TAF1: variants seen among roughly 807,000 people sequenced by gnomAD.
TAF1 encodes the protein TATA-box binding protein associated factor 1.
TAF1 carries 2 observed loss-of-function variants against 138.5 expected under a neutral mutation model. The observed-to-expected ratio is 0.01, with a 90% confidence interval of 0.01 to 0.05. The LOEUF (loss-of-function observed/expected upper bound fraction) is 0.05. Ranked by LOEUF, TAF1 falls within the 10% of genes least tolerant of loss-of-function variation. The pLI, the probability that TAF1 is intolerant of heterozygous loss-of-function variation, is 1.00. For synonymous variants in TAF1, 437 were observed against 503.2 expected, an observed-to-expected ratio of 0.87 and a Z score of 1.76; for missense variants, 709 against 1,478.0, an observed-to-expected ratio of 0.48 and a Z score of 8.53.
At chrX:71,438,150 T>C (rs2037238878) in intron 32 of TAF1, among the ~76,000 whole-genome samples, 1 of 111,216 alleles carries the variant, frequency 9.0e-6, no homozygotes, top group Admixed American at 9.6e-5. Flanking sequence ...ATTTTAACTA[T>C]TTTTAAGTGT....
At chrX:71,417,772 G>A (rs1443370931) in intron 28 of TAF1, among the ~76,000 whole-genome samples, 3 of 111,588 alleles carry the variant, frequency 2.7e-5, no homozygotes, top group African/African-American at 9.8e-5. Flanking sequence ...TTATTGGGAT[G>A]TAACCCTATC....
At chrX:71,509,962 G>A (rs1021379426) in intron 13 of TAF1, among the ~76,000 whole-genome samples, 9 of 104,047 alleles carry the variant, frequency 8.6e-5, no homozygotes, top group Non-Finnish European at 1.2e-4. Flanking sequence ...CTGGGTGACA[G>A]AGTGAGACTC....
Position 71,459,695 on chromosome X carries a change from C to T in TAF1, c.5208C>T (p.Asp1736=). The change falls in exon 36 of 38, where the codon GAC becomes GAT. Residue 1736 remains aspartate, a synonymous_variant. Transcript: ENST00000423759. ...EEDAGSDEEG[D]NPFSAIQLSE... ...ATGCTGGGAGTGATGAAGAAGGAGA[C>T]AATCCTTTCTCTGGTAGGCCTCAAC... 1 of 1,210,777 alleles carries T rather than the reference C, an allele frequency of 8.3e-7. No homozygotes were observed. Among genetic ancestry groups the T allele is most frequent in the African/African-American group, 1.7e-5 (1 of 57,750 alleles).
At chrX:71,516,485 G>T (rs1424991089) in intron 13 of TAF1, among the ~76,000 whole-genome samples, 2 of 109,395 alleles carry the variant, frequency 1.8e-5, no homozygotes, top group Non-Finnish European at 3.8e-5. Flanking sequence ...ACTTAAAAAG[G>T]GTTAAGATGG....
downstream of TAF1, among the ~76,000 whole-genome samples, chrX:71,467,768 T>G (rs2038795672): frequency 8.9e-6 from 1 of 111,843 alleles, no homozygotes; most frequent in African/African-American, 3.3e-5. Context: ...TAAGTGACAT[T>G]CGTAACATCA....
chrX:71,458,396 T>G (rs1288510376), intron 35 of TAF1, 30 bp downstream of exon 35: 3 of 1,199,475 alleles, frequency 2.5e-6, no homozygotes, highest in Non-Finnish European at 3.4e-6. Flanking sequence ...TTTATAAGAT[T>G]GTTATTGTGC....
chrX:71,393,028 A>T, intron 20 of TAF1, 34 bp downstream of exon 20: 2 of 1,205,865 alleles, frequency 1.7e-6, no homozygotes, highest in Non-Finnish European at 2.2e-6. Context: ...AGAGTATACT[A>T]GGGGCTTTGT....
At position 71,377,598 on chromosome X, in the gene TAF1, T is replaced by TC. The variant is rs760716933; in HGVS notation, c.715-4dup. 2.5e-6 allele frequency: 3 copies of TC among 1,210,389 alleles called. No individual in the cohort carries two copies. Among genetic ancestry groups the TC allele is most frequent in the Middle Eastern group, 2.3e-4 (1 of 4,344 alleles). The stretch of plus-strand genomic sequence containing the variant: ...TGTGTCATAGTAATGTATTCTGTGT[T>TC]CTAGGTGTTACGTTTTCTACGTCTT... On this transcript the variant is annotated splice_region_variant and splice_polypyrimidine_tract_variant and intron_variant, in intron 5 of 37. Transcript: ENST00000423759.
At position 71,367,914 on chromosome X, in the gene TAF1, G is replaced by A. The variant is rs28382153; in HGVS notation, c.236-140G>A. 7.2e-4 allele frequency: 460 copies of A among 636,208 alleles called. 2 individuals carry two copies. The African/African-American group carries it at 9.0e-3, about 12-fold the overall frequency. 52.4% of individuals were successfully genotyped at this position (636,208 alleles called of 1,213,427 possible). ...TTGAACTCCTGGCCTGAGGTGATCCGTCTGGCTTGGCCTTCCAAAGTGCTG... is the reference window on the plus strand; with the variant it reads ...TTGAACTCCTGGCCTGAGGTGATCCATCTGGCTTGGCCTTCCAAAGTGCTG... On this transcript the variant is annotated intron_variant, in intron 2 of 37. Transcript: ENST00000423759.
At position 71,391,024 on chromosome X, in the gene TAF1, A is replaced by G. The variant is rs187915427; in HGVS notation, c.2781+1359A>G. Among the ~76,000 whole-genome samples, 25 of 109,484 alleles carry G rather than the reference A, an allele frequency of 2.3e-4. No homozygotes were observed. In the East Asian group the frequency reaches 7.2e-3, roughly 31 times the overall value. ...AAAAAAAAAGAAAGAAAGAAATGGG[A>G]TCTTACTGTGTTGCCCAGGCTGATT... On this transcript the variant is annotated intron_variant, in intron 18 of 37. Coordinates refer to ENST00000423759, the MANE Select transcript of TAF1 (RefSeq NM_004606.5).
In TAF1 at chrX:71,377,675, A is replaced by T. The variant is rs2033579688; in HGVS notation, c.787A>T (p.Arg263Trp). 1 of 1,209,656 alleles carries T rather than the reference A, an allele frequency of 8.3e-7. No individual in the cohort carries two copies. Among genetic ancestry groups the T allele is most frequent in the African/African-American group, 1.8e-5 (1 of 57,050 alleles). Residue 263 changes from arginine to tryptophan, a missense_variant, in exon 6 of 38, where the codon AGG (arginine) becomes TGG (tryptophan). Arg to Trp is a moderately radical substitution (Grantham distance 101, BLOSUM62 -3). Around this residue, in one of 14 missense-constraint regions of TAF1, gnomAD observed 16 missense variants for 42.1 expected, o/e 0.38. Coordinates refer to ENST00000423759, the MANE Select transcript of TAF1 (RefSeq NM_004606.5). ...TGTTTGGCGGAGTGCTCGGAGAAAGAGGAAGAAGAAGCACCGTGAGCTGAT... is the reference window on the plus strand; with the variant it reads ...TGTTTGGCGGAGTGCTCGGAGAAAGTGGAAGAAGAAGCACCGTGAGCTGAT... ...PSVWRSARRK[R>W]KKKHRELIQE... is the part of the protein sequence containing the mutation.
Position 71,496,828 on chromosome X carries a change from C to G in TAF1, c.1367-31714C>G, listed in dbSNP as rs150464798. On this transcript the variant is annotated intron_variant and NMD_transcript_variant, in intron 13 of 14. Transcript: ENST00000373775. ...GTCTCTCTCTTTCTGTCTCTCCCCC[C>G]CAACCCTTTGACTTTCGCTTCAGCA... Among the ~76,000 whole-genome samples the G allele has an allele frequency of 8.3e-3, 924 of 111,296 alleles. 9 individuals are homozygous for G. The highest frequency in any genetic ancestry group is 0.028 in the African/African-American group (849 of 30,612).
intron 36 of TAF1, among the ~76,000 whole-genome samples, 183 bp from the exon 37 acceptor site, chrX:71,460,443 C>G (rs760757903): frequency 4.0e-4 from 45 of 112,254 alleles, no homozygotes; most frequent in Admixed American, 1.2e-3. Flanking sequence ...GATTCAGATT[C>G]TAAACTACAA....
At chrX:71,384,597 A>G (rs771342430) in intron 13 of TAF1, among the ~76,000 whole-genome samples, 1 of 110,485 alleles carries the variant, frequency 9.1e-6, no homozygotes, top group Admixed American at 9.8e-5. Context: ...TTTAGTAGAG[A>G]CAGGGTTTCA....
chrX:71,473,838 A>G (rs921923619), intron 13 of TAF1, among the ~76,000 whole-genome samples: 2 of 111,246 alleles, frequency 1.8e-5, no homozygotes, highest in Admixed American at 1.9e-4. Context: ...TGAAGAAGGC[A>G]GGGCAGATTA....
chrX:71,520,548 G>A (rs1253293690), intron 13 of TAF1, among the ~76,000 whole-genome samples: 2 of 81,065 alleles, frequency 2.5e-5, no homozygotes, highest in Non-Finnish European at 4.7e-5. Context: ...TGGGTGTGGG[G>A]GTGGGCACCT....
At chrX:71,390,342 C>T (rs2034484105) in intron 18 of TAF1, among the ~76,000 whole-genome samples, 1 of 111,551 alleles carries the variant, frequency 9.0e-6, no homozygotes, top group Non-Finnish European at 1.9e-5. Context: ...ATTTCTCTTC[C>T]CTTTCAGAAT....
At chrX:71,418,107 A>AT (rs894085298) in intron 28 of TAF1, among the ~76,000 whole-genome samples, 5 of 111,441 alleles carry the variant, frequency 4.5e-5, no homozygotes, top group Admixed American at 9.6e-5. Flanking sequence ...TTTTTGTTCT[A>AT]TTTTTTGAGA....
At chrX:71,419,385 A>C (rs1011386801) in intron 28 of TAF1, among the ~76,000 whole-genome samples, 2 of 111,046 alleles carry the variant, frequency 1.8e-5, no homozygotes, top group African/African-American at 3.3e-5. Flanking sequence ...GCAAAGGAAA[A>C]AAAAACAAAA....
Sources: gnomAD v4.1 joint callset for allele counts (sites outside exome capture counted in the v4.1 genomes callset) on GRCh38, gnomAD v4.1.1 for gene constraint, gnomAD v4.1.1 regional missense constraint, MANE v1.5 for transcripts, NCBI Gene and HGNC (gene_info 2026-07-23, HGNC 2026-07-21) for gene names.